The following SEMA6D variants were observed in gnomAD, a reference collection of about 807,000 sequenced individuals.
SEMA6D encodes the protein semaphorin 6D, also known as semaphorin-6D.
A neutral mutation model predicts 106.6 loss-of-function variants in SEMA6D; 35 were observed. The observed-to-expected ratio is 0.33, with a 90% confidence interval of 0.25 to 0.44. The LOEUF is 0.44. Ranked by LOEUF, SEMA6D falls within the 20% of genes least tolerant of loss-of-function variation. SEMA6D has a pLI of 1.00. For synonymous variants in SEMA6D, 499 were observed against 487.7 expected (o/e 1.02, Z -0.31); for missense variants, 1,185 against 1,345.9 (o/e 0.88, Z 1.87).
intron 1 of SEMA6D, among the ~76,000 whole-genome samples, chr15:47,336,624 T>C (rs2037567382): frequency 6.6e-6 from 1 of 152,258 alleles, no homozygotes; most frequent in African/African-American, 2.4e-5. Context: ...AATGCTCTAA[T>C]AGGGACGGCA....
intron 3 of SEMA6D, among the ~76,000 whole-genome samples, chr15:47,534,921 A>G (rs568154330): frequency 1.3e-4 from 20 of 152,106 alleles, no homozygotes; most frequent in Non-Finnish European, 2.6e-4. Context: ...GTCTATGCAT[A>G]CCAAATGTAA....
At chr15:47,274,677 A>G (rs1328452382) in intron 1 of SEMA6D, 1 of 152,182 alleles carries the variant, frequency 6.6e-6, no homozygotes, top group Admixed American at 6.6e-5. Context: ...GCAGTAAGGG[A>G]AAGTATCTTA....
chr15:47,566,880 A>G (rs2046244843), intron 3 of SEMA6D, among the ~76,000 whole-genome samples: 1 of 150,910 alleles, frequency 6.6e-6, no homozygotes, highest in Non-Finnish European at 1.5e-5. Flanking sequence ...GGAAGACGGA[A>G]GATGTTTTTG....
At chr15:47,710,622 T>C (rs2078998816) in intron 4 of SEMA6D, among the ~76,000 whole-genome samples, 1 of 152,128 alleles carries the variant, frequency 6.6e-6, no homozygotes, top group Non-Finnish European at 1.5e-5. Flanking sequence ...TGTGCAATGA[T>C]ATAGTGGCAA....
At chr15:47,581,282 G>T (rs2076250169) in intron 3 of SEMA6D, 1 of 475,608 alleles carries the variant, frequency 2.1e-6, no homozygotes, top group Admixed American at 2.1e-5. Context: ...AAGTCCTGTG[G>T]TTTACATTGT....
chr15:47,381,777 A>G (rs1283717492), intron 1 of SEMA6D, among the ~76,000 whole-genome samples: 1 of 152,220 alleles, frequency 6.6e-6, no homozygotes, highest in Non-Finnish European at 1.5e-5. Context: ...TTAAACTGTA[A>G]CATTTTATAT....
intron 3 of SEMA6D, among the ~76,000 whole-genome samples, chr15:47,553,477 G>T (rs773425781): frequency 3.9e-5 from 6 of 152,086 alleles, no homozygotes; most frequent in Non-Finnish European, 7.4e-5. Flanking sequence ...CTTTTGGCTG[G>T]CATATTTTAT....
intron 1 of SEMA6D, among the ~76,000 whole-genome samples, chr15:47,246,879 C>A (rs1048907832): frequency 6.6e-6 from 1 of 152,148 alleles, no homozygotes; most frequent in African/African-American, 2.4e-5. Flanking sequence ...TCGTGAGGCA[C>A]ATAGCAGGAC....
intron 3 of SEMA6D, among the ~76,000 whole-genome samples, chr15:47,487,185 C>T (rs1158189093): frequency 6.6e-6 from 1 of 152,178 alleles, no homozygotes. Flanking sequence ...TTGACCAAGA[C>T]TTTCAGTTGC....
intron 1 of SEMA6D, among the ~76,000 whole-genome samples, chr15:47,264,382 T>A (rs1408240951): frequency 3.3e-5 from 5 of 152,018 alleles, no homozygotes; most frequent in Non-Finnish European, 7.4e-5. Context: ...TTGGGGGACT[T>A]GTATTTTAAT....
intron 3 of SEMA6D, 112 bp downstream of exon 3, chr15:47,760,527 A>G: frequency 2.5e-6 from 2 of 789,964 alleles, no homozygotes; most frequent in East Asian, 2.7e-5. Context: ...AAAAATTGCA[A>G]GTAGCCAGAA....
At chr15:47,221,240 C>T (rs1481850703) in intron 1 of SEMA6D, among the ~76,000 whole-genome samples, 1 of 152,186 alleles carries the variant, frequency 6.6e-6, no homozygotes, top group Non-Finnish European at 1.5e-5. Context: ...TGCCAATTCA[C>T]CTAAAGTAGC....
chr15:47,653,155 G>A (rs1435036487), intron 4 of SEMA6D, among the ~76,000 whole-genome samples: 1 of 152,154 alleles, frequency 6.6e-6, no homozygotes, highest in East Asian at 1.9e-4. Flanking sequence ...ATTGAGAGAA[G>A]ATCAGTTTGC....
intron 4 of SEMA6D, among the ~76,000 whole-genome samples, chr15:47,623,028 C>A (rs767172457): frequency 3.3e-5 from 5 of 152,200 alleles, no homozygotes; most frequent in Non-Finnish European, 7.3e-5. Flanking sequence ...ACTGTAGTGA[C>A]AACCCTCTTT....
intron 1 of SEMA6D, among the ~76,000 whole-genome samples, chr15:47,388,523 C>T (rs1291236546): frequency 2.0e-5 from 3 of 152,126 alleles, no homozygotes; most frequent in Non-Finnish European, 4.4e-5. Flanking sequence ...ATTCACGCTG[C>T]AGGCACTACC....
At chr15:47,566,856 T>C (rs540737105) in intron 3 of SEMA6D, among the ~76,000 whole-genome samples, 2 of 152,340 alleles carry the variant, frequency 1.3e-5, no homozygotes, top group South Asian at 2.1e-4. Flanking sequence ...GACAAAAATA[T>C]GGGGAGTTCT....
chr15:47,708,987 T>G (rs1278608539), intron 4 of SEMA6D, among the ~76,000 whole-genome samples: 1 of 152,236 alleles, frequency 6.6e-6, no homozygotes, highest in African/African-American at 2.4e-5. Context: ...CCACCAGATC[T>G]ACTCTTAATC....
chr15:47,506,635 GT>G (rs1199055893), intron 3 of SEMA6D, among the ~76,000 whole-genome samples: 1 of 102,670 alleles, frequency 9.7e-6, no homozygotes, highest in Non-Finnish European at 2.0e-5. Context: ...CACACACAGC[GT>G]TATCGACTGC....
chr15:47,575,415 G>A (rs1566903183), intron 3 of SEMA6D, among the ~76,000 whole-genome samples: 1 of 152,120 alleles, frequency 6.6e-6, no homozygotes, highest in Non-Finnish European at 1.5e-5. Flanking sequence ...GTGCAGGAAG[G>A]AGCAGCTTGA....
Sources: gnomAD v4.1 joint callset for allele counts (sites outside exome capture counted in the v4.1 genomes callset) on GRCh38, gnomAD v4.1.1 for gene constraint, MANE v1.5 for transcripts, NCBI Gene and HGNC (gene_info 2026-07-23, HGNC 2026-07-21) for gene names.